Variants in PEX14 observed in about 807,000 individuals in gnomAD.
PEX14 encodes the protein peroxisomal membrane protein PEX14.
A neutral mutation model predicts 49.5 loss-of-function variants in PEX14; 15 were observed. The ratio of observed to expected loss-of-function variants is 0.30; its 90% CI spans 0.20 to 0.47. PEX14 has a LOEUF of 0.47. Ranked by LOEUF, PEX14 falls within the 20% of genes least tolerant of loss-of-function variation. The pLI, the probability that PEX14 is intolerant of heterozygous loss-of-function variation, is 1.00. For missense variants in PEX14, 398 were observed against 494.8 expected, an observed-to-expected ratio of 0.80 and a Z score of 1.86; for synonymous variants, 210 against 212.7, an observed-to-expected ratio of 0.99 and a Z score of 0.11.
intron 3 of PEX14, among the ~76,000 whole-genome samples, chr1:10,581,896 C>A (rs987897569): frequency 6.6e-6 from 1 of 151,562 alleles, no homozygotes; most frequent in Non-Finnish European, 1.5e-5. Context: ...TTATATTTCT[C>A]ATGGCTATTA....
chr1:10,535,478 G>A (rs575436396), intron 2 of PEX14, among the ~76,000 whole-genome samples: 2 of 152,178 alleles, frequency 1.3e-5, no homozygotes, highest in Non-Finnish European at 2.9e-5. Flanking sequence ...ATTGCAGAAG[G>A]GGGGCCAGAG....
chr1:10,514,990 G>T lies in PEX14; in HGVS notation c.84+19669G>T, dbSNP rs978562603. Among the ~76,000 whole-genome samples the T allele has an allele frequency of 6.6e-6, 1 of 152,136 alleles. No homozygotes were observed. The highest frequency in any genetic ancestry group is 1.5e-5 in the Non-Finnish European group (1 of 68,024). On this transcript the variant is annotated intron_variant, in intron 2 of 8. Coordinates refer to ENST00000356607, the MANE Select transcript of PEX14 (RefSeq NM_004565.3). The surrounding 1 kb of genome is among the most constrained non-coding windows in gnomAD (Gnocchi z 4.4). ...GGCAAATGCTTGCCACTCCCCTGCC[G>T]CCTGCCCCTGTGTAGGTGGGAAGAG...
intron 3 of PEX14, among the ~76,000 whole-genome samples, chr1:10,553,419 G>A (rs1280296952): frequency 1.3e-5 from 2 of 152,190 alleles, no homozygotes; most frequent in African/African-American, 2.4e-5. Flanking sequence ...GGCCAGAGGC[G>A]GATGCCCCAC....
chr1:10,517,686 T>C, intron 2 of PEX14, among the ~76,000 whole-genome samples: 1 of 131,550 alleles, frequency 7.6e-6, no homozygotes, highest in Non-Finnish European at 1.7e-5. Flanking sequence ...AAGCAGAACC[T>C]GTGATTTTTT....
intron 4 of PEX14, among the ~76,000 whole-genome samples, chr1:10,610,209 C>G (rs1324370548): frequency 2.0e-5 from 3 of 148,580 alleles, no homozygotes; most frequent in Non-Finnish European, 4.5e-5. Flanking sequence ...AAGCCTTTGT[C>G]TACCCCAAGG....
chr1:10,621,599 C>T (rs1481498254), intron 5 of PEX14, among the ~76,000 whole-genome samples: 1 of 152,138 alleles, frequency 6.6e-6, no homozygotes, highest in Non-Finnish European at 1.5e-5. Flanking sequence ...CCCACCTCAG[C>T]CTCCCAAAGT....
At chr1:10,482,782 T>C (rs1333011935) in intron 1 of PEX14, among the ~76,000 whole-genome samples, 2 of 152,238 alleles carry the variant, frequency 1.3e-5, no homozygotes, top group Non-Finnish European at 1.5e-5. Flanking sequence ...TTTAGGGTCA[T>C]TACAAATAGT....
intron 3 of PEX14, among the ~76,000 whole-genome samples, chr1:10,558,736 C>CAAAAAAA (rs34343338): frequency 1.1e-4 from 13 of 113,400 alleles, no homozygotes; most frequent in African/African-American, 3.1e-4. Context: ...GACCCTGTCT[C>CAAAAAAA]AAAAAAAAAA....
rs1337467837 is a variant in PEX14, at chr1:10,629,166, C to T, written c.678-365C>T. ...TTGGACTCCTCACCAACCTGTCTCT[C>T]TCCTGGCCACTGGGTTGGAGGCAGG... is the stretch of plus-strand genomic sequence containing the variant. On this transcript the variant is annotated intron_variant, in intron 8 of 8. Coordinates refer to ENST00000356607, the MANE Select transcript of PEX14 (RefSeq NM_004565.3). This position sits in a 1 kb window ranked among gnomAD's most constrained non-coding sequence, Gnocchi z 8.5. 6.6e-6 allele frequency among the ~76,000 whole-genome samples: 1 copy of T among 152,218 alleles called. No individual in the cohort carries two copies. Among genetic ancestry groups the T allele is most frequent in the Non-Finnish European group, 1.5e-5 (1 of 68,028 alleles).
chr1:10,536,458 G>A, intron 3 of PEX14, 161 bp downstream of exon 3: 1 of 664,296 alleles, frequency 1.5e-6, no homozygotes, highest in Non-Finnish European at 2.8e-6. Flanking sequence ...GGGGCATGCA[G>A]GTTTCTTTCC....
intron 7 of PEX14, 50 bp from the exon 8 acceptor site, chr1:10,627,222 G>A (rs758251017): frequency 1.2e-5 from 15 of 1,284,410 alleles, no homozygotes; most frequent in Non-Finnish European, 1.5e-5. Flanking sequence ...CGCAGGCCCC[G>A]CCCGTGCCGC....
At position 10,589,305 on chromosome 1, in the gene PEX14, A is replaced by G. The variant is rs1034659488; in HGVS notation, c.170-9933A>G. Among the ~76,000 whole-genome samples the G allele has an allele frequency of 7.2e-5, 11 of 152,336 alleles. No individual in the cohort carries two copies. In the East Asian group the frequency reaches 2.1e-3, roughly 29 times the overall value. On this transcript the variant is annotated intron_variant, in intron 3 of 8. Coordinates refer to ENST00000356607, the MANE Select transcript of PEX14 (RefSeq NM_004565.3). ...TATATGGGAATGAGGTGATGAGGGC[A>G]CAGCGGGTTCAAACATCCGGTCTTG...
Position 10,629,672 on chromosome 1 carries a change from G to A in PEX14, c.819G>A (p.Ser273=), listed in dbSNP as rs139518305. ...CACCTGTCAGCAACGAGTCCACGTCGTCCTCGCCTGGGAAGGAGGGCCACA... is the reference window on the plus strand; with the variant it reads ...CACCTGTCAGCAACGAGTCCACGTCATCCTCGCCTGGGAAGGAGGGCCACA... ...DISPVSNEST[S]SSPGKEGHSP... The change falls in exon 9 of 9, where the codon TCG becomes TCA. Residue 273 remains serine, a synonymous_variant. Coordinates refer to ENST00000356607, the MANE Select transcript of PEX14 (RefSeq NM_004565.3). This position sits in a 1 kb window ranked among gnomAD's most constrained non-coding sequence, Gnocchi z 8.5. 4.0e-5 allele frequency: 65 copies of A among 1,613,798 alleles called. No homozygotes were observed. Among genetic ancestry groups the A allele is most frequent in the Admixed American group, 3.8e-4 (23 of 59,998 alleles).
chr1:10,493,872 CAT>C (rs750081580), intron 1 of PEX14, among the ~76,000 whole-genome samples: 29 of 152,318 alleles, frequency 1.9e-4, no homozygotes, highest in African/African-American at 2.6e-4. Flanking sequence ...TGGAAGAAGA[CAT>C]ATGTGTCAGA....
At chr1:10,492,478 C>CTGTAGT (rs1198071337) in intron 1 of PEX14, among the ~76,000 whole-genome samples, 1 of 152,202 alleles carries the variant, frequency 6.6e-6, no homozygotes, top group African/African-American at 2.4e-5. Context: ...GTTCAAATCC[C>CTGTAGT]TGTAGTACCA....
rs111906183 is a variant in PEX14, at chr1:10,605,934, T to G, written c.298+6568T>G. Among the ~76,000 whole-genome samples, 262 of 152,324 alleles carry G rather than the reference T, an allele frequency of 1.7e-3. 7 individuals carry two copies. Among genetic ancestry groups the G allele is most frequent in the African/African-American group, 5.8e-3 (242 of 41,586 alleles). ...GGTGTGGTGCCACATGGGGGCTGAA[T>G]AAATGCCATTCGCGGATGTTGAAGA... On this transcript the variant is annotated intron_variant, in intron 4 of 8. Coordinates refer to ENST00000356607, the MANE Select transcript of PEX14 (RefSeq NM_004565.3).
rs921542959 is a variant in PEX14 at position 10,592,458 on chromosome 1, C to A, written c.170-6780C>A. Among the ~76,000 whole-genome samples the A allele has an allele frequency of 2.0e-5, 3 of 152,082 alleles. No homozygotes were observed. The East Asian group carries it at 5.8e-4, about 29-fold the overall frequency. ...ATTATATAGATCTAAAAATAGACAT[C>A]ATGGATGCTGATTGGAAACCCTCCC... is the stretch of plus-strand genomic sequence containing the variant. On this transcript the variant is annotated intron_variant, in intron 3 of 8. Transcript: ENST00000356607.
chr1:10,541,279 A>C (rs540844311), intron 3 of PEX14, among the ~76,000 whole-genome samples: 1 of 152,324 alleles, frequency 6.6e-6, no homozygotes, highest in African/African-American at 2.4e-5. Flanking sequence ...CAAACAGGTC[A>C]CCTTAGCGGT....
intron 3 of PEX14, 78 bp from the exon 4 acceptor site, chr1:10,599,160 T>C: frequency 1.4e-6 from 2 of 1,465,090 alleles, no homozygotes; most frequent in Non-Finnish European, 1.9e-6. Context: ...GTAAAGGTCT[T>C]TGCTCAGTGA....
Sources: allele counts gnomAD v4.1 joint callset (sites outside exome capture counted in the v4.1 genomes callset), GRCh38; gene constraint gnomAD v4.1.1; non-coding constraint Gnocchi (gnomAD v3.1); transcripts MANE v1.5; gene names NCBI Gene and HGNC (gene_info 2026-07-23, HGNC 2026-07-21).